DOK7: variants seen among roughly 807,000 people sequenced by gnomAD.
DOK7 encodes the protein protein Dok-7.
Under a neutral mutation model 30.7 loss-of-function variants are expected in DOK7, and 32 were observed. That is an observed-to-expected ratio of 1.04 (90% CI 0.79 to 1.40). DOK7 has a LOEUF of 1.40. Ranked by LOEUF, DOK7 falls within the 40% of genes most tolerant of loss-of-function variation. The probability of loss-of-function intolerance (pLI) is 0.00; values close to 1 mark genes in which losing one functional copy is unlikely to be tolerated. For missense variants in DOK7, 1,007 were observed against 699.2 expected (o/e 1.44, Z -4.97); for synonymous variants, 447 against 324.1 (o/e 1.38, Z -4.07).
chr4:3,468,192 G>A (rs1320093383), intron 2 of DOK7, among the ~76,000 whole-genome samples: 1 of 142,594 alleles, frequency 7.0e-6, no homozygotes, highest in East Asian at 1.9e-4. Context: ...GTGGGGGTGT[G>A]TGTGCACAAG....
At chr4:3,463,476 G>T (rs1365507729) in intron 1 of DOK7, 30 bp from the exon 2 acceptor site, 8 of 1,441,816 alleles carry the variant, frequency 5.5e-6, no homozygotes, top group South Asian at 1.4e-5. Context: ...GGGCGCGGGC[G>T]GCGGCTCACG....
intron 6 of DOK7, among the ~76,000 whole-genome samples, 154 bp downstream of exon 6, chr4:3,489,950 C>A (rs904894818): frequency 1.1e-4 from 16 of 149,362 alleles, no homozygotes; most frequent in Non-Finnish European, 1.9e-4. Context: ...CCCCCAACTC[C>A]CCGCCCCGCC....
intron 6 of DOK7, among the ~76,000 whole-genome samples, chr4:3,490,997 CTT>C: frequency 1.1e-5 from 1 of 94,020 alleles, no homozygotes. Context: ...TCATTCATTC[CTT>C]CCTTCTTCTT....
chr4:3,476,746 G>A (rs927164991), intron 4 of DOK7, among the ~76,000 whole-genome samples: 7 of 152,188 alleles, frequency 4.6e-5, no homozygotes, highest in African/African-American at 1.7e-4. Flanking sequence ...GTCGAGGAGG[G>A]GCCTCGGCTA....
chr4:3,494,648 G>A (rs1728799243), downstream of DOK7, among the ~76,000 whole-genome samples: 1 of 151,880 alleles, frequency 6.6e-6, no homozygotes, highest in African/African-American at 2.4e-5. Flanking sequence ...GAATGCTGTG[G>A]TGTGCGGAGA....
intron 2 of DOK7, among the ~76,000 whole-genome samples, chr4:3,465,721 T>G (rs1186941622): frequency 6.6e-6 from 1 of 152,212 alleles, no homozygotes; most frequent in Non-Finnish European, 1.5e-5. Flanking sequence ...GCCGTCTGCC[T>G]CGGTGTGGGA....
At chr4:3,490,565 T>C (rs1277395770) in intron 6 of DOK7, among the ~76,000 whole-genome samples, 1 of 68,952 alleles carries the variant, frequency 1.5e-5, no homozygotes, top group Non-Finnish European at 2.6e-5. Context: ...TGCTCATTCG[T>C]TTTTTCCTTC....
chr4:3,489,564 G>C, intron 5 of DOK7, 113 bp from the exon 6 acceptor site: 1 of 1,516,432 alleles, frequency 6.6e-7, no homozygotes, highest in Non-Finnish European at 8.9e-7. Context: ...GACTCCCAGG[G>C]GACTGCCACT....
chr4:3,479,144 G>A (rs1560214945), intron 4 of DOK7, among the ~76,000 whole-genome samples: 1 of 152,222 alleles, frequency 6.6e-6, no homozygotes. Flanking sequence ...GAGGACCCAT[G>A]GGAAGGTCCT....
intron 6 of DOK7, 132 bp from the exon 7 acceptor site, chr4:3,492,627 C>T (rs1418697487): frequency 5.9e-5 from 76 of 1,299,022 alleles, no homozygotes; most frequent in East Asian, 3.2e-4. Flanking sequence ...CTGTAGGCCC[C>T]GGGGCTTGGG....
chr4:3,495,854 G>A (rs144408136), downstream of DOK7, among the ~76,000 whole-genome samples: 235 of 152,234 alleles, frequency 1.5e-3, no homozygotes, highest in Admixed American at 3.6e-3. Context: ...GAGCTCAGGG[G>A]GTGTCGGCCT....
chr4:3,493,209 C>A lies in DOK7; in HGVS notation c.1223C>A (p.Pro408Gln). The A allele has an allele frequency of 1.2e-6, 2 of 1,611,824 alleles. No homozygotes were observed. Among genetic ancestry groups the A allele is most frequent in the Non-Finnish European group, 1.7e-6 (2 of 1,179,618 alleles). ...TCCCTGCGGGCCCACTATGACACACCACGCAGCCTTTGCCTGGCTCCTAGA... is the reference window on the plus strand; with the variant it reads ...TCCCTGCGGGCCCACTATGACACACAACGCAGCCTTTGCCTGGCTCCTAGA... ...PTSLRAHYDT[P>Q]RSLCLAPRDH... Residue 408 changes from proline to glutamine, a missense_variant, in exon 7 of 7, where the codon CCA becomes CAA. Coordinates refer to ENST00000340083, the MANE Select transcript of DOK7 (RefSeq NM_173660.5).
At chr4:3,466,189 C>A (rs1276178477) in intron 2 of DOK7, among the ~76,000 whole-genome samples, 1 of 152,206 alleles carries the variant, frequency 6.6e-6, no homozygotes, top group Non-Finnish European at 1.5e-5. Context: ...CAGTTCCCCC[C>A]AGCCAGCCCA....
chr4:3,464,408 G>T (rs1726155657), intron 2 of DOK7, among the ~76,000 whole-genome samples: 2 of 152,202 alleles, frequency 1.3e-5, no homozygotes, highest in Non-Finnish European at 2.9e-5. Flanking sequence ...GCCTCCCCTT[G>T]CAGGGCCTGG....
Position 3,494,053 on chromosome 4 carries a change from AGGAGGCTGTGTGGCTT to A in DOK7, c.*554_*569del. On this transcript the variant is annotated 3_prime_UTR_variant, in exon 7 of 7. Coordinates refer to ENST00000340083, the MANE Select transcript of DOK7 (RefSeq NM_173660.5). ...CATCTATGGGAGGAAACTGAAGCTC[AGGAGGCTGTGTGGCTT>A]GCGGGGTCTCTGGGTTCTGGGCCCC... 9 of 987,556 alleles carry A rather than the reference AGGAGGCTGTGTGGCTT, an allele frequency of 9.1e-6. No homozygotes were observed. The highest frequency in any genetic ancestry group is 9.6e-6 in the Non-Finnish European group (8 of 831,502). 61.2% of individuals were successfully genotyped at this position (987,556 alleles called of 1,614,324 possible).
rs907518690 is a variant in DOK7, at chr4:3,473,426, T to C, written c.121T>C (p.Tyr41His). The change falls in exon 3 of 7, where the codon TAC (tyrosine) becomes CAC (histidine). Residue 41 changes from tyrosine to histidine, a missense_variant. Physicochemically the swap from Tyr to His is moderately conservative, Grantham distance 83. Transcript: ENST00000340083. Reference protein sequence around the residue: ...PVADCLLMLVYKDKSERIKGL... With the variant: ...PVADCLLMLVHKDKSERIKGL... ...TGCAGACTGCCTGCTGATGCTGGTCTACAAGGACAAGTCGGAGCGTATCAA... is the reference window on the plus strand; with the variant it reads ...TGCAGACTGCCTGCTGATGCTGGTCCACAAGGACAAGTCGGAGCGTATCAA... The C allele has an allele frequency of 1.2e-6, 2 of 1,610,928 alleles. No homozygotes were observed. Among genetic ancestry groups the C allele is most frequent in the Admixed American group, 3.3e-5 (2 of 60,024 alleles).
At chr4:3,474,513 C>T (rs548815455) in intron 3 of DOK7, among the ~76,000 whole-genome samples, 13 of 152,230 alleles carry the variant, frequency 8.5e-5, no homozygotes, top group African/African-American at 2.4e-4. Context: ...GGCGAAACCT[C>T]GTCTCTACTA....
chr4:3,497,292 G>C (rs1213263898), downstream of DOK7, among the ~76,000 whole-genome samples: 1 of 152,084 alleles, frequency 6.6e-6, no homozygotes, highest in Admixed American at 6.5e-5. Flanking sequence ...AGGGAGGAGG[G>C]GCTGTGTCCT....
At chr4:3,492,660 C>T in intron 6 of DOK7, 99 bp from the exon 7 acceptor site, 3 of 1,539,970 alleles carry the variant, frequency 1.9e-6, no homozygotes, top group Non-Finnish European at 2.6e-6. Context: ...TGGGGCGAGA[C>T]CAGAGAGTGC....
Sources: gnomAD v4.1 joint callset for allele counts (sites outside exome capture counted in the v4.1 genomes callset) on GRCh38, gnomAD v4.1.1 for gene constraint, MANE v1.5 for transcripts, NCBI Gene and HGNC (gene_info 2026-07-23, HGNC 2026-07-21) for gene names.